Variants in SMC1A observed in about 807,000 individuals in gnomAD.
The protein encoded by SMC1A is structural maintenance of chromosomes protein 1A.
In SMC1A, 4 loss-of-function variants were observed where a neutral mutation model predicts 94.5. The observed-to-expected ratio is 0.04, with a 90% CI of 0.02 to 0.10. SMC1A has a LOEUF of 0.10. Ranked by LOEUF, SMC1A falls within the 10% of genes least tolerant of loss-of-function variation. SMC1A has a pLI of 1.00. For synonymous variants in SMC1A, 345 were observed against 347.7 expected (o/e 0.99, Z 0.09); for missense variants, 304 against 989.0 (o/e 0.31, Z 9.29).
At chrX:53,407,172 T>C (rs1556889854) in intron 9 of SMC1A, among the ~76,000 whole-genome samples, 1 of 112,079 alleles carries the variant, frequency 8.9e-6, no homozygotes, top group East Asian at 2.8e-4. Context: ...GTTAATGAGA[T>C]GATTATGGCT....
intron 19 of SMC1A, among the ~76,000 whole-genome samples, chrX:53,388,870 G>A (rs936576384): frequency 1.3e-4 from 14 of 106,928 alleles, no homozygotes; most frequent in Non-Finnish European, 2.1e-4. Flanking sequence ...GGTGGCGGGC[G>A]CCTGTAGTCC....
At chrX:53,418,289 C>T (rs1039104939) in intron 1 of SMC1A, among the ~76,000 whole-genome samples, 2 of 112,354 alleles carry the variant, frequency 1.8e-5, no homozygotes, top group Non-Finnish European at 3.8e-5. Context: ...CGTGTGCCAC[C>T]ACACCTAGTT....
At chrX:53,402,620 T>C (rs1260063896) in intron 15 of SMC1A, among the ~76,000 whole-genome samples, 1 of 103,351 alleles carries the variant, frequency 9.7e-6, no homozygotes, top group Non-Finnish European at 2.0e-5. Flanking sequence ...ATCCCAGCAC[T>C]TTGGGAGGCC....
At position 53,412,010 on chromosome X, in the gene SMC1A, C is replaced by T. The variant is rs140585416; in HGVS notation, c.1098G>A (p.Thr366=). The T allele has an allele frequency of 2.4e-4, 290 of 1,209,712 alleles. No homozygotes were observed. Among genetic ancestry groups the T allele is most frequent in the African/African-American group, 3.0e-4 (17 of 57,185 alleles). Residue 366 remains threonine (T), a synonymous_variant, in exon 6 of 25, where the codon ACG becomes ACA. Coordinates refer to ENST00000322213, the MANE Select transcript of SMC1A (RefSeq NM_006306.4). ...EESQSQGRDL[T]LEENQVKKYH... Reference sequence around the variant, plus strand: ...CAGAGCTTACCTGATTCTCCTCCAACGTCAAATCTCTGCCCTGACTCTGAC... The same window carrying T: ...CAGAGCTTACCTGATTCTCCTCCAATGTCAAATCTCTGCCCTGACTCTGAC...
At chrX:53,389,117 G>GT (rs782693840) in intron 19 of SMC1A, among the ~76,000 whole-genome samples, 323 of 84,458 alleles carry the variant, frequency 3.8e-3, no homozygotes, top group Admixed American at 4.2e-3. Flanking sequence ...AACCATTTTT[G>GT]TTTTTTTTTT....
chrX:53,414,994 G>A lies in SMC1A; in HGVS notation c.285C>T (p.Ala95=). ...AGCCTCACCCACCTACAATGACACG[G>A]GCAAAGGTACGGTCCTCAGCACCCT... The part of the protein sequence containing the change: ...SEEGAEDRTF[A]RVIVGGSSEY... Residue 95 remains alanine, a synonymous_variant, in exon 2 of 25, where the codon GCC becomes GCT. Transcript: ENST00000322213. The A allele has an allele frequency of 1.7e-6, 2 of 1,211,056 alleles. No homozygotes were observed. The highest frequency in any genetic ancestry group is 2.2e-6 in the Non-Finnish European group (2 of 895,268).
At chrX:53,393,811 T>C (rs1179956385) in intron 19 of SMC1A, among the ~76,000 whole-genome samples, 1 of 111,150 alleles carries the variant, frequency 9.0e-6, no homozygotes, top group Non-Finnish European at 1.9e-5. Context: ...TAGTTGGCTA[T>C]GTGAGATGAA....
chrX:53,395,410 C>G (rs2075647235), intron 18 of SMC1A, among the ~76,000 whole-genome samples: 1 of 112,111 alleles, frequency 8.9e-6, no homozygotes, highest in East Asian at 2.8e-4. Flanking sequence ...TGATTTTGGG[C>G]AAGTCACATT....
chrX:53,417,001 G>C (rs1463543148), intron 1 of SMC1A, among the ~76,000 whole-genome samples: 2 of 104,162 alleles, frequency 1.9e-5, no homozygotes, highest in Non-Finnish European at 4.0e-5. Flanking sequence ...GCCCAGGCTA[G>C]TCTTGAACTC....
intron 1 of SMC1A, among the ~76,000 whole-genome samples, chrX:53,421,392 T>C (rs782182824): frequency 1.6e-4 from 18 of 112,265 alleles, no homozygotes; most frequent in Non-Finnish European, 2.1e-4. Flanking sequence ...GAAATGTCAA[T>C]AGTGCCACTG....
chrX:53,381,940 A>G (rs1225833744), intron 22 of SMC1A: 1 of 394,489 alleles, frequency 2.5e-6, no homozygotes, highest in African/African-American at 2.5e-5. Context: ...TGATCAAGCT[A>G]GATTTACATG....
intron 1 of SMC1A, among the ~76,000 whole-genome samples, chrX:53,415,559 C>T (rs1352978608): frequency 1.4e-4 from 15 of 109,056 alleles, no homozygotes; most frequent in Non-Finnish European, 1.7e-4. Context: ...ATGAGCTACT[C>T]GGGAGGCTGA....
At chrX:53,403,447 A>G (rs1452861292) in intron 15 of SMC1A, 119 bp downstream of exon 15, 2 of 571,900 alleles carry the variant, frequency 3.5e-6, no homozygotes, top group Non-Finnish European at 6.0e-6. Context: ...AGGCCTAGCT[A>G]CATAAACTCA....
At chrX:53,422,047 CAG>C (rs2075759923) in intron 1 of SMC1A, 4 of 1,205,395 alleles carry the variant, frequency 3.3e-6, no homozygotes, top group African/African-American at 1.8e-5. Flanking sequence ...TGGGCTGAAA[CAG>C]AAGTGCACCG....
At chrX:53,393,590 T>C (rs5978131) in intron 19 of SMC1A, among the ~76,000 whole-genome samples, 46,005 of 110,177 alleles carry the variant, frequency 0.42, 8,569 homozygotes, top group Non-Finnish European at 0.57. Context: ...GAGGTAATTA[T>C]GGATGGAGTA....
At chrX:53,398,291 C>G (rs2075659429) in intron 16 of SMC1A, among the ~76,000 whole-genome samples, 1 of 110,123 alleles carries the variant, frequency 9.1e-6, no homozygotes, top group Non-Finnish European at 1.9e-5. Context: ...AGACATAAGT[C>G]AAACAATAAG....
chrX:53,394,958 T>C (rs2075645684), intron 18 of SMC1A, 70 bp from the exon 19 acceptor site: 3 of 623,851 alleles, frequency 4.8e-6, no homozygotes, highest in Non-Finnish European at 8.2e-6. Context: ...GGAGCTCCTT[T>C]GCAGCCTTCA....
intron 22 of SMC1A, chrX:53,381,627 C>T: frequency 7.1e-6 from 1 of 141,678 alleles, no homozygotes; most frequent in Non-Finnish European, 1.4e-5. Flanking sequence ...ATCCATCGCA[C>T]CCATGCTCAC....
chrX:53,385,783 C>CTT (rs1414110533), intron 19 of SMC1A, among the ~76,000 whole-genome samples: 7 of 111,483 alleles, frequency 6.3e-5, no homozygotes, highest in African/African-American at 2.3e-4. Context: ...CTTCATGTAC[C>CTT]TTGTTTTATA....
Sources: gnomAD v4.1 joint callset for allele counts (sites outside exome capture counted in the v4.1 genomes callset) on GRCh38, gnomAD v4.1.1 for gene constraint, MANE v1.5 for transcripts, NCBI Gene and HGNC (gene_info 2026-07-23, HGNC 2026-07-21) for gene names.